Variants in STIM2 observed in about 807,000 individuals in gnomAD.
STIM2 encodes stromal interaction molecule 2.
A neutral mutation model predicts 85.8 loss-of-function variants in STIM2; 31 were observed. The observed-to-expected ratio is 0.36, with a 90% confidence interval of 0.27 to 0.49. The LOEUF is 0.49. Among genes scored for constraint, STIM2 ranks in the 20% least tolerant of loss-of-function variants. The probability of loss-of-function intolerance (pLI) is 0.98; values close to 1 mark genes in which losing one functional copy is unlikely to be tolerated. For missense variants in STIM2, 841 were observed against 927.6 expected, an observed-to-expected ratio of 0.91 and a Z score of 1.21; for synonymous variants, 356 against 331.1, an observed-to-expected ratio of 1.08 and a Z score of -0.82.
intron 3 of STIM2, among the ~76,000 whole-genome samples, chr4:26,959,754 C>T (rs946374767): frequency 5.3e-5 from 8 of 150,184 alleles, no homozygotes; most frequent in African/African-American, 1.5e-4. Context: ...AGTTGAATGA[C>T]GTCTTAAACC....
In STIM2 at chr4:26,960,172, T is replaced by C. The variant is rs539243627; in HGVS notation, c.397+2446T>C. ...TGCCGGGCTCTGCTTTTATCTGTTA[T>C]ATTTTGTTTCTGTTGAAAATTTCTC... On this transcript the variant is annotated intron_variant, in intron 3 of 11. Transcript: ENST00000467087. Among the ~76,000 whole-genome samples, 3 of 152,238 alleles carry C rather than the reference T, an allele frequency of 2.0e-5. No homozygotes were observed. In the South Asian group the frequency reaches 6.2e-4, roughly 31 times the overall value.
In STIM2 at chr4:26,919,486, C is replaced by T. The variant is rs377705174; in HGVS notation, c.152-18C>T. Reference sequence around the variant, plus strand: ...TTTTGGTATGGCAAGTTAGTAATTGCCCTTTGTTCTCTTTCAGATCCCTGC... The same window carrying T: ...TTTTGGTATGGCAAGTTAGTAATTGTCCTTTGTTCTCTTTCAGATCCCTGC... On this transcript the variant is annotated intron_variant, in intron 1 of 11. Coordinates refer to ENST00000467087, the MANE Select transcript of STIM2 (RefSeq NM_020860.4). 2.5e-6 allele frequency: 4 copies of T among 1,612,426 alleles called. No homozygotes were observed. Among genetic ancestry groups the T allele is most frequent in the Non-Finnish European group, 8.5e-7 (1 of 1,179,356 alleles).
chr4:27,003,104 G>A lies in STIM2; in HGVS notation c.981G>A (p.Gln327=). 6.4e-7 allele frequency: 1 copy of A among 1,560,990 alleles called. No individual in the cohort carries two copies. The highest frequency in any genetic ancestry group is 8.6e-7 in the Non-Finnish European group (1 of 1,162,132). The change falls in exon 7 of 12, where the codon CAG becomes CAA. Residue 327 remains glutamine (Q), a splice_region_variant and synonymous_variant. Transcript: ENST00000467087. Reference sequence around the variant, plus strand: ...AGTATGCAGAACAGGAATTGGAACAGGTATTTACATTAAAAAAAAAATCAC... The same window carrying A: ...AGTATGCAGAACAGGAATTGGAACAAGTATTTACATTAAAAAAAAAATCAC...
intron 3 of STIM2, among the ~76,000 whole-genome samples, chr4:26,977,179 G>A (rs1404384494): frequency 6.6e-6 from 1 of 152,126 alleles, no homozygotes; most frequent in Admixed American, 6.5e-5. Context: ...TTAGGGACCA[G>A]CCACACCAAG....
In STIM2 at chr4:26,999,361, C is replaced by G. The variant is rs1309156174; in HGVS notation, c.625+14C>G. 3.9e-6 allele frequency: 6 copies of G among 1,527,356 alleles called. No homozygotes were observed. The African/African-American group carries it at 4.2e-5, about 11-fold the overall frequency. 94.6% of individuals were successfully genotyped at this position (1,527,356 alleles called of 1,614,324 possible). A position where few individuals can be genotyped will look rare whatever the true frequency, so the allele number is the denominator to read the frequency against. On this transcript the variant is annotated intron_variant, in intron 5 of 11. Coordinates refer to ENST00000467087, the MANE Select transcript of STIM2 (RefSeq NM_020860.4). ...GACCTCTAACACGTTAGTATTCTCT[C>G]TCACTCAGAGGATGATGTAAAAGAA...
intron 1 of STIM2, chr4:26,873,972 T>G: frequency 9.9e-7 from 1 of 1,006,454 alleles, no homozygotes; most frequent in Non-Finnish European, 1.6e-6. Context: ...AGGGATCCAC[T>G]GCTCTTCTGT....
chr4:26,905,448 G>C (rs1453737277), intron 1 of STIM2, among the ~76,000 whole-genome samples: 4 of 152,238 alleles, frequency 2.6e-5, no homozygotes, highest in Middle Eastern at 6.8e-3. Flanking sequence ...GGTGTTGGTG[G>C]CTTAGTAAAG....
chr4:26,921,820 C>T (rs1724807956), intron 2 of STIM2, among the ~76,000 whole-genome samples: 1 of 152,136 alleles, frequency 6.6e-6, no homozygotes, highest in Admixed American at 6.6e-5. Flanking sequence ...TTTCTAATTG[C>T]TTATTAGGTC....
intron 7 of STIM2, among the ~76,000 whole-genome samples, chr4:27,007,308 C>A (rs1412601979): frequency 1.3e-5 from 2 of 150,288 alleles, no homozygotes; most frequent in African/African-American, 2.4e-5. Flanking sequence ...ACTTGAAGCT[C>A]AGCCTTCATT....
chr4:26,867,639 C>T (rs2109425380), intron 1 of STIM2, among the ~76,000 whole-genome samples: 1 of 152,304 alleles, frequency 6.6e-6, no homozygotes, highest in East Asian at 1.9e-4. Context: ...TCAATATTAA[C>T]TCCTAAATTT....
chr4:27,019,571 T>A (rs1378735879), intron 11 of STIM2: 4 of 1,032,222 alleles, frequency 3.9e-6, no homozygotes, highest in Non-Finnish European at 5.3e-6. Context: ...CTAGCTCTCA[T>A]AAATAAGAGA....
intron 3 of STIM2, among the ~76,000 whole-genome samples, chr4:26,959,805 A>G (rs149358931): frequency 4.6e-5 from 7 of 151,960 alleles, no homozygotes; most frequent in Non-Finnish European, 7.4e-5. Context: ...AGATCTAACC[A>G]TTATGATAAT....
chr4:26,928,107 G>A (rs1339877742), intron 2 of STIM2, among the ~76,000 whole-genome samples: 1 of 151,928 alleles, frequency 6.6e-6, no homozygotes, highest in Admixed American at 6.6e-5. Context: ...TGGGGTGGAA[G>A]TAGAAGGCCC....
At chr4:26,863,527 C>G (rs1722294726) in intron 1 of STIM2, among the ~76,000 whole-genome samples, 1 of 152,066 alleles carries the variant, frequency 6.6e-6, no homozygotes, top group Non-Finnish European at 1.5e-5. Flanking sequence ...GGCTCTTTCC[C>G]ATTCTTAAGA....
chr4:27,017,286 G>T (rs1200633878), intron 10 of STIM2, among the ~76,000 whole-genome samples: 2 of 152,188 alleles, frequency 1.3e-5, no homozygotes, highest in African/African-American at 4.8e-5. Context: ...ATTTAAAACT[G>T]ATTGAGTTCA....
rs1017427074 is a variant in STIM2 at position 27,024,077 on chromosome 4, C to T, written c.*1081C>T. On this transcript the variant is annotated 3_prime_UTR_variant, in exon 12 of 12. Coordinates refer to ENST00000467087, the MANE Select transcript of STIM2 (RefSeq NM_020860.4). ...ATATAAGAAATAGTGATGTTTTGGA[C>T]GTAAGTTGTCAACAAATTTCTATTT... 9.8e-5 allele frequency: 15 copies of T among 152,440 alleles called. No homozygotes were observed. The highest frequency in any genetic ancestry group is 1.2e-4 in the Non-Finnish European group (8 of 67,990). 9.4% of individuals were successfully genotyped at this position (152,440 alleles called of 1,614,324 possible).
rs764027108 is a variant in STIM2, at chr4:26,957,689, G to A, written c.360G>A (p.Thr120=). 7.5e-6 allele frequency: 12 copies of A among 1,596,268 alleles called. No individual in the cohort carries two copies. The highest frequency in any genetic ancestry group is 3.3e-4 in the Middle Eastern group (2 of 6,036). ...TGCACAGAGAAGATAAACATATAAC[G>A]ATTGAGGATTTATGGAAACGATGGA... The change falls in exon 3 of 12, where the codon ACG becomes ACA. Residue 120 remains threonine (T), a synonymous_variant. Transcript: ENST00000467087.
chr4:26,862,203 CT>C (rs1312742397), intron 1 of STIM2, among the ~76,000 whole-genome samples: 1 of 151,794 alleles, frequency 6.6e-6, no homozygotes, highest in African/African-American at 2.4e-5. Flanking sequence ...GAATTGTATC[CT>C]TTTTAAAGCC....
At chr4:26,933,602 A>G (rs73251756) in intron 2 of STIM2, among the ~76,000 whole-genome samples, 2,266 of 152,050 alleles carry the variant, frequency 0.015, 35 homozygotes, top group Non-Finnish European at 0.025. Context: ...GTTTTTTATC[A>G]TATGCTTTGG....
Sources: gnomAD v4.1 joint callset for allele counts (sites outside exome capture counted in the v4.1 genomes callset) on GRCh38, gnomAD v4.1.1 for gene constraint, MANE v1.5 for transcripts, NCBI Gene and HGNC (gene_info 2026-07-23, HGNC 2026-07-21) for gene names.